Variants in SGCZ observed in about 807,000 individuals in gnomAD.
SGCZ encodes zeta-sarcoglycan.
Under a neutral mutation model 41.3 loss-of-function variants are expected in SGCZ, and 40 were observed. The observed-to-expected ratio is 0.97, with a 90% CI of 0.75 to 1.26. SGCZ has a LOEUF of 1.26. Among genes scored for constraint, SGCZ ranks in the 50% most tolerant of loss-of-function variants. SGCZ has a pLI of 0.00. For synonymous variants in SGCZ, 206 were observed against 137.5 expected, an observed-to-expected ratio of 1.50 and a Z score of -3.49; for missense variants, 552 against 369.8, an observed-to-expected ratio of 1.49 and a Z score of -4.04.
rs1428467313 is a variant in SGCZ, at chr8:14,153,921, T to TCA, written c.547+10658_547+10659insTG. 7.1e-3 allele frequency among the ~76,000 whole-genome samples: 832 copies of TCA among 117,112 alleles called. 1 individual carries two copies. The highest frequency in any genetic ancestry group is 0.01 in the Non-Finnish European group (609 of 60,668). 76.8% of individuals were successfully genotyped at this position (117,112 alleles called of 152,430 possible). On this transcript the variant is annotated intron_variant, in intron 5 of 7. Coordinates refer to ENST00000382080, the MANE Select transcript of SGCZ (RefSeq NM_139167.4). ...CTGTCTGTCTCTCTCTCTCTCTCTC[T>TCA]CTCACACACACACACACAGACACAC...
At chr8:14,627,194 T>G (rs979974538) in intron 1 of SGCZ, among the ~76,000 whole-genome samples, 68 of 152,182 alleles carry the variant, frequency 4.5e-4, no homozygotes, top group African/African-American at 1.5e-3. Flanking sequence ...AAGTTGCACA[T>G]AAACTTTCTA....
intron 1 of SGCZ, among the ~76,000 whole-genome samples, chr8:14,672,787 C>T (rs1460243823): frequency 1.3e-5 from 2 of 152,100 alleles, no homozygotes; most frequent in Admixed American, 1.3e-4. Flanking sequence ...TCTCCTAGTA[C>T]TAGTAAGACC....
chr8:14,096,510 T>C (rs970081846), intron 7 of SGCZ, among the ~76,000 whole-genome samples: 5 of 152,192 alleles, frequency 3.3e-5, no homozygotes, highest in Non-Finnish European at 7.3e-5. Context: ...GGTTTGCCAG[T>C]ATTGTATGAG....
chr8:14,514,549 A>G (rs1219528197), intron 2 of SGCZ, among the ~76,000 whole-genome samples: 1 of 151,446 alleles, frequency 6.6e-6, no homozygotes, highest in African/African-American at 2.4e-5. Context: ...TCATCAGTGT[A>G]TGAATTTTCT....
intron 1 of SGCZ, among the ~76,000 whole-genome samples, chr8:14,872,352 T>C (rs1006710823): frequency 6.6e-6 from 1 of 152,168 alleles, no homozygotes; most frequent in Non-Finnish European, 1.5e-5. Flanking sequence ...AGCTATCTGT[T>C]ACTTTTCTAT....
intron 4 of SGCZ, among the ~76,000 whole-genome samples, chr8:14,237,361 C>A (rs1263480119): frequency 6.6e-6 from 1 of 151,974 alleles, no homozygotes; most frequent in African/African-American, 2.4e-5. Context: ...AACATACTTC[C>A]ACTTTTCTCA....
intron 4 of SGCZ, among the ~76,000 whole-genome samples, chr8:14,231,068 C>G (rs73219291): frequency 6.6e-6 from 1 of 151,334 alleles, no homozygotes; most frequent in Admixed American, 6.6e-5. Context: ...TTTAATCAGC[C>G]TATGTGTATG....
chr8:14,574,080 T>C (rs1804637927), intron 1 of SGCZ, among the ~76,000 whole-genome samples: 1 of 152,158 alleles, frequency 6.6e-6, no homozygotes, highest in Non-Finnish European at 1.5e-5. Flanking sequence ...GAGTAATAGA[T>C]GCTCTAGGAA....
intron 1 of SGCZ, among the ~76,000 whole-genome samples, chr8:15,155,307 T>A (rs1204107446): frequency 6.6e-6 from 1 of 151,606 alleles, no homozygotes; most frequent in East Asian, 1.9e-4. Context: ...AAAAAATAAA[T>A]AAATAAGTGT....
At chr8:14,971,863 T>A (rs950583016) in intron 1 of SGCZ, among the ~76,000 whole-genome samples, 4 of 152,010 alleles carry the variant, frequency 2.6e-5, no homozygotes, top group Non-Finnish European at 5.9e-5. Context: ...TTGGCCAGAA[T>A]GGTTTCAATC....
At chr8:15,214,802 A>T (rs1801346195) in intron 1 of SGCZ, among the ~76,000 whole-genome samples, 1 of 152,198 alleles carries the variant, frequency 6.6e-6, no homozygotes, top group African/African-American at 2.4e-5. Flanking sequence ...GTGCAATTTT[A>T]AGGATATAAT....
Position 14,552,056 on chromosome 8 carries a change from G to C in SGCZ, c.234+2676C>G, listed in dbSNP as rs1165499520. ...ATGAAAGTGAAATACATTTTGTGTA[G>C]ATCAATAGTACTCCCCAAACAACTG... On this transcript the variant is annotated intron_variant, in intron 2 of 7. Coordinates refer to ENST00000382080, the MANE Select transcript of SGCZ (RefSeq NM_139167.4). Among the ~76,000 whole-genome samples, 4 of 151,838 alleles carry C rather than the reference G, an allele frequency of 2.6e-5. No homozygotes were observed. In the East Asian group the frequency reaches 7.8e-4, roughly 30 times the overall value.
At chr8:14,169,315 C>T (rs534126264) in intron 4 of SGCZ, among the ~76,000 whole-genome samples, 1 of 152,272 alleles carries the variant, frequency 6.6e-6, no homozygotes, top group African/African-American at 2.4e-5. Context: ...CTCCTAAGAC[C>T]CTTGGCTGAC....
chr8:14,204,661 C>G (rs1585229387), intron 4 of SGCZ, among the ~76,000 whole-genome samples: 1 of 152,102 alleles, frequency 6.6e-6, no homozygotes, highest in African/African-American at 2.4e-5. Context: ...TGGGTGAACA[C>G]CATCCAATCA....
intron 1 of SGCZ, among the ~76,000 whole-genome samples, chr8:14,895,843 G>C (rs1350086126): frequency 6.6e-6 from 1 of 152,174 alleles, no homozygotes; most frequent in African/African-American, 2.4e-5. Context: ...CTCACTGCTG[G>C]AGATTCTAAT....
At chr8:15,150,496 C>T (rs1247798847) in intron 1 of SGCZ, among the ~76,000 whole-genome samples, 1 of 152,138 alleles carries the variant, frequency 6.6e-6, no homozygotes, top group Non-Finnish European at 1.5e-5. Flanking sequence ...CCTCCCAAAC[C>T]TAATTCCCCC....
intron 1 of SGCZ, among the ~76,000 whole-genome samples, chr8:15,090,462 A>G (rs567065984): frequency 2.1e-4 from 32 of 152,212 alleles, no homozygotes; most frequent in Non-Finnish European, 3.1e-4. Flanking sequence ...AAAGAGCTCT[A>G]AGTCATGTCC....
intron 1 of SGCZ, among the ~76,000 whole-genome samples, chr8:14,626,260 G>A (rs924454407): frequency 6.6e-6 from 1 of 151,920 alleles, no homozygotes; most frequent in Non-Finnish European, 1.5e-5. Flanking sequence ...CACCACCTAG[G>A]TATTAAGCCC....
Position 14,736,237 on chromosome 8 carries a change from A to G in SGCZ, c.40-181311T>C, listed in dbSNP as rs117367934. Among the ~76,000 whole-genome samples the G allele has an allele frequency of 9.3e-3, 1,421 of 152,210 alleles. 19 individuals carry two copies. The highest frequency in any genetic ancestry group is 0.041 in the Middle Eastern group (12 of 294). On this transcript the variant is annotated intron_variant, in intron 1 of 7. Coordinates refer to ENST00000382080, the MANE Select transcript of SGCZ (RefSeq NM_139167.4). ...CACCTTTTGTTCTTCTGATTTCAAA[A>G]TCTCATAAATCTTAGAGCCAACACA... is the stretch of plus-strand genomic sequence containing the variant.
Sources: gnomAD v4.1 joint callset for allele counts (sites outside exome capture counted in the v4.1 genomes callset) on GRCh38, gnomAD v4.1.1 for gene constraint, MANE v1.5 for transcripts, NCBI Gene and HGNC (gene_info 2026-07-23, HGNC 2026-07-21) for gene names.